The following TNKS variants were observed in gnomAD, a reference collection of about 807,000 sequenced individuals.
TNKS encodes poly [ADP-ribose] polymerase tankyrase-1.
Under a neutral mutation model 135.8 loss-of-function variants are expected in TNKS, and 72 were observed. That is an observed-to-expected ratio of 0.53 (90% CI 0.44 to 0.64). TNKS has a LOEUF of 0.64. TNKS is among the 30% of genes least tolerant of loss of function. TNKS has a pLI of 0.00. For missense variants in TNKS, 1,769 were observed against 1,674.0 expected, an observed-to-expected ratio of 1.06 and a Z score of -0.99; for synonymous variants, 849 against 649.3, an observed-to-expected ratio of 1.31 and a Z score of -4.68.
chr8:9,600,479 A>G (rs531610043), intron 2 of TNKS, among the ~76,000 whole-genome samples: 1 of 151,884 alleles, frequency 6.6e-6, no homozygotes, highest in South Asian at 2.1e-4. Flanking sequence ...ATGCTTAGCT[A>G]ATTTTTGTAT....
At chr8:9,559,117 C>T (rs914603920) in intron 1 of TNKS, among the ~76,000 whole-genome samples, 2 of 152,098 alleles carry the variant, frequency 1.3e-5, no homozygotes. Flanking sequence ...TGTGTAATGG[C>T]AAGCAGCCCT....
chr8:9,568,770 T>A (rs10092731), intron 1 of TNKS, among the ~76,000 whole-genome samples: 6,447 of 152,166 alleles, frequency 0.042, 357 homozygotes, highest in African/African-American at 0.13. Flanking sequence ...AGAAATATTT[T>A]AATAGCATTG....
intron 14 of TNKS, among the ~76,000 whole-genome samples, chr8:9,731,601 G>A (rs1805445107): frequency 6.6e-6 from 1 of 151,968 alleles, no homozygotes; most frequent in Non-Finnish European, 1.5e-5. Flanking sequence ...ATAGACTTGT[G>A]TGTGTGCTGT....
intron 5 of TNKS, among the ~76,000 whole-genome samples, chr8:9,686,539 A>T (rs939018108): frequency 1.3e-5 from 2 of 152,228 alleles, no homozygotes; most frequent in African/African-American, 2.4e-5. Context: ...TCTATTGGGC[A>T]AGAAAGATTC....
intron 5 of TNKS, among the ~76,000 whole-genome samples, chr8:9,699,490 CT>C (rs1803694115): frequency 6.6e-6 from 1 of 152,026 alleles, no homozygotes; most frequent in African/African-American, 2.4e-5. Context: ...TTCTTTTTCT[CT>C]TTGCAGTCTG....
In TNKS at chr8:9,752,301, A is replaced by G. The variant is rs145685184; in HGVS notation, c.3071-243A>G. Among the ~76,000 whole-genome samples the G allele has an allele frequency of 2.3e-3, 344 of 152,248 alleles. 2 individuals are homozygous for G. Among genetic ancestry groups the G allele is most frequent in the African/African-American group, 7.9e-3 (329 of 41,566 alleles). On this transcript the variant is annotated intron_variant, in intron 19 of 26. Coordinates refer to ENST00000310430, the MANE Select transcript of TNKS (RefSeq NM_003747.3). ...ATAAATTACAATAAGTTATAATTCT[A>G]TATTCTAACCATAATATTAGAATAC... is the stretch of plus-strand genomic sequence containing the variant.
intron 11 of TNKS, among the ~76,000 whole-genome samples, chr8:9,714,208 T>C (rs1026419637): frequency 6.6e-6 from 1 of 152,224 alleles, no homozygotes; most frequent in Non-Finnish European, 1.5e-5. Flanking sequence ...ACGCCATATA[T>C]AACCTAGACA....
chr8:9,615,418 G>C (rs756434858), intron 2 of TNKS, 164 bp from the exon 3 acceptor site: 7 of 499,004 alleles, frequency 1.4e-5, no homozygotes, highest in East Asian at 3.3e-5. Flanking sequence ...CTCTAGAGAG[G>C]CTCCTTTGCT....
rs563218027 is a variant in TNKS at position 9,752,510 on chromosome 8, C to A, written c.3071-34C>A. On this transcript the variant is annotated intron_variant, in intron 19 of 26. Transcript: ENST00000310430. ...AAATTTTCTTTATATTTAGAGAATT[C>A]TTTCTGAGAATCTTTAATATGTTTC... is the stretch of plus-strand genomic sequence containing the variant. The A allele has an allele frequency of 6.6e-6, 10 of 1,520,442 alleles. No homozygotes were observed. The African/African-American group carries it at 1.4e-4, about 21-fold the overall frequency. 94.2% of individuals were successfully genotyped at this position (1,520,442 alleles called of 1,614,324 possible).
rs1044250073 is a variant in TNKS at position 9,751,636 on chromosome 8, G to C, written c.2860G>C (p.Asp954His). The C allele has an allele frequency of 1.9e-6, 3 of 1,613,950 alleles. No homozygotes were observed. Among genetic ancestry groups the C allele is most frequent in the Non-Finnish European group, 2.5e-6 (3 of 1,179,996 alleles). The change falls in exon 19 of 27, where the codon GAT becomes CAT. Residue 954 changes from aspartate (D) to histidine (H), a missense_variant. By Grantham distance (81) the Asp-to-His change is moderately conservative. This residue lies in a region of TNKS where 722 missense variants were observed against 688.9 expected (regional missense o/e 1.05). Transcript: ENST00000310430. The part of the protein sequence containing the change: ...TADDIRALLI[D>H]AMPPEALPTC... ...TGACGATATCAGAGCTTTGCTGATA[G>C]ATGCCATGCCCCCAGAGGCCTTACC...
chr8:9,660,084 G>A (rs1414833394), intron 3 of TNKS, among the ~76,000 whole-genome samples: 1 of 152,128 alleles, frequency 6.6e-6, no homozygotes, highest in Non-Finnish European at 1.5e-5. Flanking sequence ...CTGAAATTGA[G>A]GCAATAATTA....
intron 20 of TNKS, among the ~76,000 whole-genome samples, chr8:9,761,013 G>T (rs572583492): frequency 9.2e-5 from 14 of 152,240 alleles, no homozygotes; most frequent in African/African-American, 3.4e-4. Context: ...AGCCTGTCCC[G>T]GGCTTGAGTA....
intron 13 of TNKS, among the ~76,000 whole-genome samples, chr8:9,728,691 A>C (rs148176803): frequency 6.6e-6 from 1 of 152,102 alleles, no homozygotes; most frequent in Non-Finnish European, 1.5e-5. Context: ...TGATTTGTCA[A>C]TTATGCTGTT....
rs370619490 is a variant in TNKS at position 9,772,266 on chromosome 8, G to A, written c.3897+2004G>A. ...AGACTTACTTTCAAAGGGGGCTGGG[G>A]GGAGGAGTAATTATATATTGGAGAA... is the stretch of plus-strand genomic sequence containing the variant. On this transcript the variant is annotated intron_variant, in intron 26 of 26. Coordinates refer to ENST00000310430, the MANE Select transcript of TNKS (RefSeq NM_003747.3). 94 of 411,726 alleles carry A rather than the reference G, an allele frequency of 2.3e-4. No homozygotes were observed. In the East Asian group the frequency reaches 3.9e-3, roughly 17 times the overall value. 25.5% of individuals were successfully genotyped at this position (411,726 alleles called of 1,614,324 possible).
intron 26 of TNKS, among the ~76,000 whole-genome samples, chr8:9,775,457 TTCTATATATATA>T (rs1468734824): frequency 1.5e-4 from 10 of 65,828 alleles, no homozygotes; most frequent in Admixed American, 4.2e-4. Flanking sequence ...TTATGAATGG[TTCTATATATATA>T]TATATATATA....
chr8:9,653,115 GA>G (rs1204641262), intron 3 of TNKS, among the ~76,000 whole-genome samples: 1 of 152,164 alleles, frequency 6.6e-6, no homozygotes, highest in Non-Finnish European at 1.5e-5. Flanking sequence ...GGGAAGGGAA[GA>G]AAGATTAAAG....
At chr8:9,616,134 T>A (rs1193335904) in intron 3 of TNKS, among the ~76,000 whole-genome samples, 4 of 152,214 alleles carry the variant, frequency 2.6e-5, no homozygotes, top group African/African-American at 9.6e-5. Flanking sequence ...CGTTTATACT[T>A]TAATCATATG....
intron 3 of TNKS, among the ~76,000 whole-genome samples, chr8:9,627,567 G>A (rs1170550741): frequency 6.6e-6 from 1 of 151,906 alleles, no homozygotes; most frequent in Admixed American, 6.6e-5. Context: ...TTGCTTGCTT[G>A]CTTGCTTGCT....
chr8:9,592,761 T>G (rs887295360), intron 2 of TNKS, among the ~76,000 whole-genome samples: 2 of 152,240 alleles, frequency 1.3e-5, no homozygotes, highest in South Asian at 4.1e-4. Context: ...TTTTTTATAT[T>G]ACTCTGTGTT....
Sources: gnomAD v4.1 joint callset for allele counts (sites outside exome capture counted in the v4.1 genomes callset) on GRCh38, gnomAD v4.1.1 for gene constraint, gnomAD v4.1.1 regional missense constraint, MANE v1.5 for transcripts, NCBI Gene and HGNC (gene_info 2026-07-23, HGNC 2026-07-21) for gene names.